The following UNC79 variants were observed in gnomAD, a reference collection of about 807,000 sequenced individuals.
UNC79 encodes the protein protein unc-79 homolog.
Under a neutral mutation model 283.1 loss-of-function variants are expected in UNC79, and 37 were observed. The observed-to-expected ratio is 0.13, with a 90% CI of 0.10 to 0.17. The LOEUF (loss-of-function observed/expected upper bound fraction) is 0.17, where lower values mean the gene tolerates loss of function less well. Ranked by LOEUF, UNC79 falls within the 10% of genes least tolerant of loss-of-function variation. The pLI is 1.00. For synonymous variants in UNC79, 1,107 were observed against 1,200.2 expected (o/e 0.92, Z 1.61); for missense variants, 2,272 against 3,211.1 (o/e 0.71, Z 7.07).
chr14:93,375,096 G>A (rs1304520143), intron 1 of UNC79, among the ~76,000 whole-genome samples: 4 of 152,190 alleles, frequency 2.6e-5, no homozygotes, highest in African/African-American at 9.7e-5. Context: ...TGAGAAGTGA[G>A]TCCTTTAAGA....
chr14:93,552,645 A>G (rs1375027324), intron 14 of UNC79, among the ~76,000 whole-genome samples: 3 of 152,112 alleles, frequency 2.0e-5, no homozygotes, highest in Non-Finnish European at 4.4e-5. Flanking sequence ...GTTTCATTAT[A>G]CTTGTTTTGA....
chr14:93,345,686 G>T (rs897880265), intron 1 of UNC79, among the ~76,000 whole-genome samples: 33 of 152,050 alleles, frequency 2.2e-4, no homozygotes, highest in Admixed American at 2.0e-3. Context: ...GAGGTGACCC[G>T]CTAAGAAGGG....
intron 14 of UNC79, among the ~76,000 whole-genome samples, chr14:93,567,947 G>A (rs1303013641): frequency 5.3e-5 from 8 of 152,150 alleles, no homozygotes; most frequent in African/African-American, 1.9e-4. Flanking sequence ...AAACAGGGAG[G>A]GAGCTTCCAG....
chr14:93,517,825 C>A (rs2060137633), intron 7 of UNC79, among the ~76,000 whole-genome samples: 1 of 151,566 alleles, frequency 6.6e-6, no homozygotes, highest in Non-Finnish European at 1.5e-5. Context: ...AGCCTTTGAC[C>A]AACATTCCCC....
intron 14 of UNC79, among the ~76,000 whole-genome samples, chr14:93,562,899 G>A (rs917185246): frequency 1.3e-5 from 2 of 152,054 alleles, no homozygotes; most frequent in Admixed American, 6.6e-5. Flanking sequence ...GCAAATCCCC[G>A]AGCTTGATGT....
chr14:93,682,233 T>C (rs1423484584), intron 41 of UNC79, among the ~76,000 whole-genome samples: 4 of 152,220 alleles, frequency 2.6e-5, no homozygotes, highest in Admixed American at 6.5e-5. Context: ...CTGGTTTCTT[T>C]CTAAATATAT....
At chr14:93,622,371 C>T in exon 30 of UNC79, 1 of 1,614,150 alleles carries the variant, frequency 6.2e-7, no homozygotes. Context: ...ACTGACTCTG[C>T]CCTCATCACT....
At chr14:93,426,334 T>G (rs966036856), upstream of UNC79, among the ~76,000 whole-genome samples, 1 of 151,858 alleles carries the variant, frequency 6.6e-6, no homozygotes, top group Non-Finnish European at 1.5e-5. Context: ...TTTTTCCTGC[T>G]TGGGGGTTTG....
At chr14:93,638,060 T>G (rs925812932) in intron 32 of UNC79, among the ~76,000 whole-genome samples, 3 of 152,208 alleles carry the variant, frequency 2.0e-5, no homozygotes, top group African/African-American at 7.2e-5. Context: ...ATTAATCCCA[T>G]GAATTTAAAG....
At chr14:93,623,235 A>C (rs1201755665) in intron 30 of UNC79, among the ~76,000 whole-genome samples, 2 of 152,196 alleles carry the variant, frequency 1.3e-5, no homozygotes, top group Non-Finnish European at 2.9e-5. Context: ...GATATAGTCC[A>C]AAGAAGGAAC....
chr14:93,348,413 C>A (rs2053913371), intron 1 of UNC79: 1 of 322,410 alleles, frequency 3.1e-6, no homozygotes, highest in Admixed American at 4.6e-5. Flanking sequence ...TTACCGAGAA[C>A]TGCTGTGAAA....
Position 93,691,093 on chromosome 14 carries a change from G to A in UNC79, c.7273-656G>A, listed in dbSNP as rs1352085692. On this transcript the variant is annotated intron_variant, in intron 45 of 48. Coordinates refer to ENST00000555664, the Ensembl canonical transcript of UNC79. ...ATTCCTAATATTTCTACTCAGATCC[G>A]GGTTTGATTCCTAACTATGGTACTT... 3.5e-4 allele frequency: 53 copies of A among 153,588 alleles called. 1 individual carries two copies. Among genetic ancestry groups the A allele is most frequent in the Admixed American group, 3.3e-3 (51 of 15,574 alleles). 9.5% of individuals were successfully genotyped at this position (153,588 alleles called of 1,614,324 possible). A position where few individuals can be genotyped will look rare whatever the true frequency, so the allele number is the denominator to read the frequency against.
chr14:93,351,091 T>C (rs2053972931), intron 1 of UNC79, among the ~76,000 whole-genome samples: 1 of 152,222 alleles, frequency 6.6e-6, no homozygotes, highest in South Asian at 2.1e-4. Flanking sequence ...TTGGGTTATC[T>C]TTAGATAAAG....
rs2073064610 is a variant in UNC79, at chr14:93,673,481, C to G, written c.6741+26C>G. 5.6e-6 allele frequency: 9 copies of G among 1,597,730 alleles called. No individual in the cohort carries two copies. The Middle Eastern group carries it at 6.7e-4, about 118-fold the overall frequency. On this transcript the variant is annotated intron_variant, in intron 41 of 48. Coordinates refer to ENST00000555664, the Ensembl canonical transcript of UNC79. ...GTAAGCTCATGCTTGATTTGTAAAA[C>G]TTTTCATGAGATCCATGTATGTTTG...
chr14:93,352,554 A>G (rs575497793), intron 1 of UNC79, among the ~76,000 whole-genome samples: 73 of 152,150 alleles, frequency 4.8e-4, no homozygotes, highest in South Asian at 1.0e-3. Flanking sequence ...TTAATTTTAC[A>G]CTCATAAAGG....
chr14:93,513,752 T>A (rs931334671), intron 7 of UNC79, among the ~76,000 whole-genome samples: 1 of 152,200 alleles, frequency 6.6e-6, no homozygotes, highest in Non-Finnish European at 1.5e-5. Context: ...TACTCTACTA[T>A]CAAATATTGG....
chr14:93,429,400 C>T (rs2055803112), upstream of UNC79, among the ~76,000 whole-genome samples: 2 of 152,162 alleles, frequency 1.3e-5, no homozygotes, highest in Non-Finnish European at 2.9e-5. Context: ...CATATGCAAC[C>T]CAAAGAGCCA....
intron 26 of UNC79, among the ~76,000 whole-genome samples, chr14:93,607,867 C>G (rs1207185456): frequency 6.6e-6 from 1 of 152,174 alleles, no homozygotes; most frequent in African/African-American, 2.4e-5. Flanking sequence ...TTTCTTTGGG[C>G]TCTTTCTTTC....
intron 16 of UNC79, among the ~76,000 whole-genome samples, chr14:93,573,612 G>T (rs1404460033): frequency 6.6e-6 from 1 of 152,190 alleles, no homozygotes; most frequent in Non-Finnish European, 1.5e-5. Flanking sequence ...GTCATGCAAG[G>T]ATAGGATCCC....
Sources: gnomAD v4.1 joint callset for allele counts (sites outside exome capture counted in the v4.1 genomes callset) on GRCh38, gnomAD v4.1.1 for gene constraint, MANE v1.5 for transcripts, NCBI Gene and HGNC (gene_info 2026-07-23, HGNC 2026-07-21) for gene names.